Variants in METAP1D observed in about 807,000 individuals in gnomAD.
METAP1D encodes methionine aminopeptidase 1D, mitochondrial.
A neutral mutation model predicts 40.5 loss-of-function variants in METAP1D; 31 were observed. The observed-to-expected ratio is 0.77, with a 90% CI of 0.58 to 1.03. The LOEUF (loss-of-function observed/expected upper bound fraction) is 1.03, where lower values mean the gene tolerates loss of function less well. Ranked by LOEUF, METAP1D falls within the 50% of genes least tolerant of loss-of-function variation. The pLI, the probability that METAP1D is intolerant of heterozygous loss-of-function variation, is 0.00. For missense variants in METAP1D, 411 were observed against 420.7 expected (o/e 0.98, Z 0.20); for synonymous variants, 151 against 146.4 (o/e 1.03, Z -0.22).
intron 1 of METAP1D, among the ~76,000 whole-genome samples, chr2:172,040,778 G>C (rs34737109): frequency 7.6e-6 from 1 of 130,908 alleles, no homozygotes; most frequent in Non-Finnish European, 1.6e-5. Flanking sequence ...ATGGAGTCTC[G>C]CTCTCTCTCC....
rs140121765 is a variant in METAP1D, at chr2:172,068,756, G to T, written c.541-2151G>T. On this transcript the variant is annotated intron_variant, in intron 5 of 9. Coordinates refer to ENST00000315796, the MANE Select transcript of METAP1D (RefSeq NM_199227.3). ...TTGAACTCCTGACCTCAAGTGATCC[G>T]CCCACCTCCGCCTCCCAAAGTGCTG... Among the ~76,000 whole-genome samples, 1,487 of 151,560 alleles carry T rather than the reference G, an allele frequency of 9.8e-3. 12 individuals carry two copies. The highest frequency in any genetic ancestry group is 0.016 in the Non-Finnish European group (1,095 of 67,818).
intron 1 of METAP1D, among the ~76,000 whole-genome samples, chr2:172,018,022 G>T (rs759814927): frequency 6.6e-5 from 10 of 151,580 alleles, no homozygotes; most frequent in Non-Finnish European, 1.3e-4. Context: ...AGCTACTTGG[G>T]AGGCTGAGGC....
chr2:172,029,018 C>T (rs916560567), intron 1 of METAP1D, among the ~76,000 whole-genome samples: 11 of 152,164 alleles, frequency 7.2e-5, no homozygotes, highest in Admixed American at 4.6e-4. Flanking sequence ...ATTCAGTAGA[C>T]ATGCATGGTC....
chr2:172,038,383 T>C (rs1027324563), intron 1 of METAP1D, among the ~76,000 whole-genome samples: 3 of 152,190 alleles, frequency 2.0e-5, no homozygotes, highest in African/African-American at 7.2e-5. Flanking sequence ...TAGAGCTAAC[T>C]ATCCATAGCT....
At chr2:172,003,402 T>C (rs1688507470) in intron 1 of METAP1D, among the ~76,000 whole-genome samples, 1 of 152,274 alleles carries the variant, frequency 6.6e-6, no homozygotes, top group Admixed American at 6.5e-5. Flanking sequence ...CCAGTGAATA[T>C]GAAGAGGAAC....
At chr2:172,000,832 T>C (rs1688444080) in intron 1 of METAP1D, among the ~76,000 whole-genome samples, 1 of 152,184 alleles carries the variant, frequency 6.6e-6, no homozygotes, top group Non-Finnish European at 1.5e-5. Context: ...AGACCCCGTC[T>C]CTACAAAAAA....
chr2:172,008,959 A>G (rs896340639), intron 1 of METAP1D, among the ~76,000 whole-genome samples: 14 of 152,038 alleles, frequency 9.2e-5, no homozygotes, highest in African/African-American at 3.4e-4. Context: ...TCATGTCCTG[A>G]GCAGAATGGA....
intron 1 of METAP1D, among the ~76,000 whole-genome samples, chr2:172,013,766 G>GC (rs1245956584): frequency 6.6e-6 from 1 of 151,888 alleles, no homozygotes; most frequent in African/African-American, 2.4e-5. Context: ...GTCTGATGAA[G>GC]CATTTTTTCC....
intron 6 of METAP1D, among the ~76,000 whole-genome samples, chr2:172,077,513 T>C (rs1690574603): frequency 1.3e-5 from 2 of 152,238 alleles, no homozygotes. Context: ...ACTTGTTGTC[T>C]AAAAGTGGCT....
intron 1 of METAP1D, among the ~76,000 whole-genome samples, chr2:172,009,521 T>C (rs1688662798): frequency 6.6e-6 from 1 of 151,238 alleles, no homozygotes; most frequent in Admixed American, 6.8e-5. Context: ...TGTATCTACT[T>C]CTTTAATTTT....
At chr2:172,050,207 A>G (rs1264690786) in intron 1 of METAP1D, among the ~76,000 whole-genome samples, 1 of 152,188 alleles carries the variant, frequency 6.6e-6, no homozygotes, top group Non-Finnish European at 1.5e-5. Flanking sequence ...TTCAGTTGAC[A>G]CTATTGTAAT....
At chr2:172,056,964 A>T (rs1348677116) in intron 1 of METAP1D, among the ~76,000 whole-genome samples, 2 of 150,428 alleles carry the variant, frequency 1.3e-5, no homozygotes, top group African/African-American at 4.9e-5. Flanking sequence ...TACATTTTTC[A>T]TGATAAAAAA....
chr2:172,028,538 GTGTC>G (rs1340199069), intron 1 of METAP1D, among the ~76,000 whole-genome samples: 7 of 117,574 alleles, frequency 6.0e-5, no homozygotes, highest in Non-Finnish European at 9.0e-5. Context: ...TTCTGTATGT[GTGTC>G]TGTGTGTGTG....
chr2:172,029,327 G>C (rs1689189460), intron 1 of METAP1D, among the ~76,000 whole-genome samples: 1 of 152,212 alleles, frequency 6.6e-6, no homozygotes, highest in South Asian at 2.1e-4. Flanking sequence ...GAAGGCTGAG[G>C]TGGGAGAATT....
At chr2:172,036,185 CGGG>C (rs1689377418) in intron 1 of METAP1D, among the ~76,000 whole-genome samples, 1 of 150,384 alleles carries the variant, frequency 6.6e-6, no homozygotes, top group African/African-American at 2.4e-5. Context: ...GGCGTGGTGG[CGGG>C]TGCCTGTAGT....
At chr2:172,078,884 A>G (rs1690621382) in intron 7 of METAP1D, among the ~76,000 whole-genome samples, 1 of 152,160 alleles carries the variant, frequency 6.6e-6, no homozygotes, top group Admixed American at 6.5e-5. Context: ...ACCCAGTAGT[A>G]GGCTGGGAGA....
intron 1 of METAP1D, among the ~76,000 whole-genome samples, chr2:172,040,098 C>T (rs1215701427): frequency 1.3e-5 from 2 of 151,912 alleles, no homozygotes; most frequent in African/African-American, 2.4e-5. Flanking sequence ...GCTGGGATTA[C>T]AGGCGCTCGC....
intron 1 of METAP1D, among the ~76,000 whole-genome samples, chr2:172,059,546 T>C (rs1690084811): frequency 6.6e-6 from 1 of 152,234 alleles, no homozygotes; most frequent in African/African-American, 2.4e-5. Flanking sequence ...AGGGTAGCTA[T>C]GGTCCAATGA....
At position 172,003,772 on chromosome 2, in the gene METAP1D, C is replaced by CT. The variant is rs764720002; in HGVS notation, c.40+3773dup. ...GCAAGTAAGAGGGCATATTTTCTTT[C>CT]TTTTTTTTTTGAGACAGAGTCTCGC... On this transcript the variant is annotated intron_variant, in intron 1 of 9. Transcript: ENST00000315796. Among the ~76,000 whole-genome samples, 518 of 149,246 alleles carry CT rather than the reference C, an allele frequency of 3.5e-3. 2 individuals are homozygous for CT. The highest frequency in any genetic ancestry group is 6.1e-3 in the East Asian group (31 of 5,112).
Sources: gnomAD v4.1 joint callset for allele counts (sites outside exome capture counted in the v4.1 genomes callset) on GRCh38, gnomAD v4.1.1 for gene constraint, MANE v1.5 for transcripts, NCBI Gene and HGNC (gene_info 2026-07-23, HGNC 2026-07-21) for gene names.